ARHGEF9: variants seen among roughly 807,000 people sequenced by gnomAD.
ARHGEF9 encodes the protein Cdc42 guanine nucleotide exchange factor 9, also known as rho guanine nucleotide exchange factor 9.
A neutral mutation model predicts 41.3 loss-of-function variants in ARHGEF9; 2 were observed. That is an observed-to-expected ratio of 0.05 (90% CI 0.02 to 0.15). ARHGEF9 has a LOEUF of 0.15. ARHGEF9 is among the 10% of genes least tolerant of loss of function. ARHGEF9 has a pLI of 1.00. For missense variants in ARHGEF9, 225 were observed against 424.7 expected, an observed-to-expected ratio of 0.53 and a Z score of 4.13; for synonymous variants, 160 against 154.4, an observed-to-expected ratio of 1.04 and a Z score of -0.27.
chrX:63,762,214 C>T (rs782818489), intron 1 of ARHGEF9, among the ~76,000 whole-genome samples: 3 of 111,916 alleles, frequency 2.7e-5, no homozygotes, highest in Non-Finnish European at 5.6e-5. Context: ...GAACTGCAAG[C>T]CATTGGACAT....
At chrX:63,717,333 C>T (rs1394047066) in intron 2 of ARHGEF9, among the ~76,000 whole-genome samples, 3 of 111,967 alleles carry the variant, frequency 2.7e-5, no homozygotes, top group African/African-American at 9.7e-5. Context: ...TCAGCAGGGT[C>T]ATTAGTTGTA....
chrX:63,765,033 G>T (rs1255769215), intron 1 of ARHGEF9, among the ~76,000 whole-genome samples: 3 of 111,669 alleles, frequency 2.7e-5, no homozygotes, highest in Non-Finnish European at 5.6e-5. Flanking sequence ...ACTAAATGAA[G>T]ATCTCACCTA....
chrX:63,750,155 T>C (rs1338270073), intron 1 of ARHGEF9, among the ~76,000 whole-genome samples: 1 of 112,144 alleles, frequency 8.9e-6, no homozygotes, highest in Non-Finnish European at 1.9e-5. Context: ...CTTATATCCC[T>C]GCCCAGAGCA....
intron 1 of ARHGEF9, among the ~76,000 whole-genome samples, chrX:63,774,046 TATC>T (rs1193864686): frequency 1.6e-3 from 37 of 23,750 alleles, no homozygotes; most frequent in African/African-American, 8.9e-3. Flanking sequence ...TCCATTATAA[TATC>T]TATCTATCTA....
At chrX:63,734,466 C>T (rs2054496253) in intron 1 of ARHGEF9, among the ~76,000 whole-genome samples, 1 of 112,162 alleles carries the variant, frequency 8.9e-6, no homozygotes, top group Admixed American at 9.4e-5. Context: ...AACCACCGTA[C>T]CATATTTATT....
At chrX:63,680,857 C>A (rs781879635) in intron 4 of ARHGEF9, among the ~76,000 whole-genome samples, 1 of 109,991 alleles carries the variant, frequency 9.1e-6, no homozygotes, top group East Asian at 2.9e-4. Flanking sequence ...GGAGAAAAAA[C>A]AAACAAACAA....
At chrX:63,775,005 A>G (rs781961215) in intron 1 of ARHGEF9, among the ~76,000 whole-genome samples, 50 of 112,610 alleles carry the variant, frequency 4.4e-4, no homozygotes, top group African/African-American at 1.4e-3. Flanking sequence ...TCATTAAAAA[A>G]TGAGCAAAGG....
intron 1 of ARHGEF9, among the ~76,000 whole-genome samples, chrX:63,737,510 C>T (rs1317684207): frequency 8.9e-6 from 1 of 111,818 alleles, no homozygotes; most frequent in East Asian, 2.8e-4. Context: ...GAAGACAAAA[C>T]CTGAGTATTT....
chrX:63,768,797 C>A (rs2056155655), intron 1 of ARHGEF9, among the ~76,000 whole-genome samples: 1 of 111,661 alleles, frequency 9.0e-6, no homozygotes, highest in African/African-American at 3.3e-5. Context: ...TCTTTGCCTG[C>A]CACCATCCAC....
chrX:63,783,362 C>T lies in ARHGEF9; in HGVS notation c.30+1754G>A, dbSNP rs782552218. 7.4e-5 allele frequency among the ~76,000 whole-genome samples: 8 copies of T among 108,843 alleles called. No homozygotes were observed. The East Asian group carries it at 1.7e-3, about 24-fold the overall frequency. 94.5% of individuals were successfully genotyped at this position (108,843 alleles called of 115,157 possible). On this transcript the variant is annotated intron_variant, in intron 1 of 9. Transcript: ENST00000671741. Reference sequence around the variant, plus strand: ...CAATCTCGGCTCACCGCAACCTCCCCCTCCTGGGTTCGAGTGATTCTCCTG... The same window carrying T: ...CAATCTCGGCTCACCGCAACCTCCCTCTCCTGGGTTCGAGTGATTCTCCTG...
rs782391245 is a variant in ARHGEF9 at position 63,762,147 on chromosome X, G to A, written c.30+22969C>T. Among the ~76,000 whole-genome samples, 3 of 111,554 alleles carry A rather than the reference G, an allele frequency of 2.7e-5. No individual in the cohort carries two copies. The East Asian group carries it at 8.5e-4, about 32-fold the overall frequency. On this transcript the variant is annotated intron_variant, in intron 1 of 9. Transcript: ENST00000671741. The stretch of plus-strand genomic sequence containing the variant: ...ACTCCTGAGCCTCATAACTCATTCA[G>A]TCAGCTAAGCCCCTCTGACCTCCAT...
chrX:63,734,845 G>T (rs1234482186), intron 1 of ARHGEF9, among the ~76,000 whole-genome samples: 1 of 111,519 alleles, frequency 9.0e-6, no homozygotes, highest in Non-Finnish European at 1.9e-5. Context: ...ATTTCCTAGA[G>T]CTGTATTAAA....
At chrX:63,645,227 T>G (rs2047941774) in intron 8 of ARHGEF9, among the ~76,000 whole-genome samples, 1 of 111,473 alleles carries the variant, frequency 9.0e-6, no homozygotes, top group Non-Finnish European at 1.9e-5. Context: ...AATGATTTTT[T>G]TTTCACTTTT....
chrX:63,644,746 T>G (rs1556310575), intron 8 of ARHGEF9, among the ~76,000 whole-genome samples: 1 of 105,268 alleles, frequency 9.5e-6, no homozygotes, highest in East Asian at 2.9e-4. Flanking sequence ...AGGAATCGCC[T>G]TCTATTATTA....
At position 63,637,573 on chromosome X, in the gene ARHGEF9, A is replaced by G; in HGVS notation, c.*455T>C. 4.2e-6 allele frequency: 1 copy of G among 236,288 alleles called. No individual in the cohort carries two copies. Among genetic ancestry groups the G allele is most frequent in the East Asian group, 6.7e-5 (1 of 14,863 alleles). 19.5% of individuals were successfully genotyped at this position (236,288 alleles called of 1,213,427 possible). A position where few individuals can be genotyped will look rare whatever the true frequency, so the allele number is the denominator to read the frequency against. On this transcript the variant is annotated 3_prime_UTR_variant, in exon 10 of 10. Transcript: ENST00000671741. ...ATCAAATAAAATTAAAAATTCATCA[A>G]CATCAGTATCATCAGAAAAAAAACA...
At chrX:63,755,461 A>G (rs1397800300) in intron 1 of ARHGEF9, 1 of 273,382 alleles carries the variant, frequency 3.7e-6, no homozygotes, top group Non-Finnish European at 6.4e-6. Context: ...ACCCAATAGG[A>G]TGCAAGGGGA....
chrX:63,727,394 T>C (rs1278504978), intron 1 of ARHGEF9: 1 of 111,848 alleles, frequency 8.9e-6, no homozygotes, highest in Non-Finnish European at 1.9e-5. Context: ...GGCTCAGCTA[T>C]ACCCTGGACA....
chrX:63,771,827 C>T (rs1183672993), intron 1 of ARHGEF9, among the ~76,000 whole-genome samples: 2 of 111,245 alleles, frequency 1.8e-5, no homozygotes, highest in African/African-American at 3.3e-5. Context: ...TCAGCCTCCC[C>T]GACTGCTGGG....
intron 6 of ARHGEF9, chrX:63,670,423 TA>T (rs1310241972): frequency 9.1e-6 from 1 of 110,248 alleles, no homozygotes. Flanking sequence ...GGTCCTTGGG[TA>T]TTACACAACC....
Sources: gnomAD v4.1 joint callset for allele counts (sites outside exome capture counted in the v4.1 genomes callset) on GRCh38, gnomAD v4.1.1 for gene constraint, MANE v1.5 for transcripts, NCBI Gene and HGNC (gene_info 2026-07-23, HGNC 2026-07-21) for gene names.